The following RPS6KA1 variants were observed in gnomAD, a reference collection of about 807,000 sequenced individuals.
RPS6KA1 encodes the protein ribosomal protein S6 kinase A1, also known as ribosomal protein S6 kinase alpha-1.
Under a neutral mutation model 91.3 loss-of-function variants are expected in RPS6KA1, and 48 were observed. The observed-to-expected ratio is 0.53, with a 90% CI of 0.42 to 0.67. RPS6KA1 has a LOEUF of 0.67. Ranked by LOEUF, RPS6KA1 falls within the 30% of genes least tolerant of loss-of-function variation. The probability of loss-of-function intolerance (pLI) is 0.00; values close to 1 mark genes in which losing one functional copy is unlikely to be tolerated. For missense variants in RPS6KA1, 719 were observed against 960.5 expected (o/e 0.75, Z 3.32); for synonymous variants, 359 against 384.7 (o/e 0.93, Z 0.78).
intron 6 of RPS6KA1, chr1:26,552,815 T>G (rs2076064832): frequency 5.1e-6 from 2 of 388,504 alleles, no homozygotes; most frequent in African/African-American, 4.2e-5. Flanking sequence ...AATGTTTGAA[T>G]AGGTAATATA....
chr1:26,554,774 A>AC lies in RPS6KA1; in HGVS notation c.756+36_756+37insC, dbSNP rs1432949731. 1.3e-6 allele frequency: 2 copies of AC among 1,571,746 alleles called. No individual in the cohort carries two copies. The highest frequency in any genetic ancestry group is 2.7e-5 in the African/African-American group (2 of 73,850). On this transcript the variant is annotated intron_variant, in intron 9 of 21. Coordinates refer to ENST00000374168, the MANE Select transcript of RPS6KA1 (RefSeq NM_002953.4). This position sits in a 1 kb window ranked among gnomAD's most constrained non-coding sequence, Gnocchi z 4.6. Reference sequence around the variant, plus strand: ...AGACAGGGGTAAAGGATCCAGCCCAAGCCTCTGGCCTCAGTCTCCCTATCT... The same window carrying AC: ...AGACAGGGGTAAAGGATCCAGCCCAACGCCTCTGGCCTCAGTCTCCCTATCT...
intron 2 of RPS6KA1, chr1:26,545,765 G>A (rs1325447943): frequency 3.2e-6 from 4 of 1,257,140 alleles, no homozygotes; most frequent in Non-Finnish European, 4.2e-6. Context: ...GAAACCACAG[G>A]CCCTGAGTGA....
At chr1:26,560,894 G>T in intron 15 of RPS6KA1, 43 bp downstream of exon 15, 1 of 1,613,444 alleles carries the variant, frequency 6.2e-7, no homozygotes, top group Non-Finnish European at 8.5e-7. Context: ...GCTGGGTTGG[G>T]GGCAGGTCCC....
chr1:26,568,479 T>C (rs2076222945), intron 17 of RPS6KA1, among the ~76,000 whole-genome samples: 1 of 152,242 alleles, frequency 6.6e-6, no homozygotes, highest in African/African-American at 2.4e-5. Flanking sequence ...CCGGGCGTGG[T>C]GGCTCACGCC....
In RPS6KA1 at chr1:26,572,229, G is replaced by A. The variant is rs149093867; in HGVS notation, c.1883G>A (p.Arg628Gln). The change falls in exon 20 of 22, where the codon CGG becomes CAG. Residue 628 changes from arginine (R) to glutamine (Q), a missense_variant. This residue lies in a region of RPS6KA1 where 249 missense variants were observed against 323.1 expected (regional missense o/e 0.77). Coordinates refer to ENST00000374168, the MANE Select transcript of RPS6KA1 (RefSeq NM_002953.4). The part of the protein sequence containing the change: ...PSDTPEEILT[R>Q]IGSGKFTLSG... Reference sequence around the variant, plus strand: ...GACACACCAGAGGAAATCCTAACCCGGATCGGCAGTGGGAAGTTTACCCTC... The same window carrying A: ...GACACACCAGAGGAAATCCTAACCCAGATCGGCAGTGGGAAGTTTACCCTC... The A allele has an allele frequency of 1.4e-5, 23 of 1,613,972 alleles. No homozygotes were observed. The African/African-American group carries it at 2.1e-4, about 15-fold the overall frequency.
intron 1 of RPS6KA1, among the ~76,000 whole-genome samples, chr1:26,532,745 T>G (rs992335280): frequency 6.6e-6 from 1 of 152,184 alleles, no homozygotes; most frequent in African/African-American, 2.4e-5. Context: ...GGCCCCTCTT[T>G]CTAAGACAGA....
rs1301263103 is a variant in RPS6KA1 at position 26,573,482 on chromosome 1, GAGA to G, written c.2085+128_2085+130del. On this transcript the variant is annotated intron_variant, in intron 21 of 21. Coordinates refer to ENST00000374168, the MANE Select transcript of RPS6KA1 (RefSeq NM_002953.4). ...CCAAGCACCATGAGGTGGAACATAG[GAGA>G]AGAAGACACAGCCCTGCCGTCAGGG... is the stretch of plus-strand genomic sequence containing the variant. The G allele has an allele frequency of 8.4e-6, 10 of 1,183,558 alleles. No homozygotes were observed. The Admixed American group carries it at 1.2e-4, about 14-fold the overall frequency. 73.3% of individuals were successfully genotyped at this position (1,183,558 alleles called of 1,614,324 possible). A position where few individuals can be genotyped will look rare whatever the true frequency, so the allele number is the denominator to read the frequency against.
Position 26,572,303 on chromosome 1 carries a change from T to C in RPS6KA1, c.1947+10T>C. ...TTCAGAGACAGCCAAGGTGAGTCTG[T>C]ACGGCCTGCGTGGGCTTATTTGGAG... is the stretch of plus-strand genomic sequence containing the variant. On this transcript the variant is annotated intron_variant, in intron 20 of 21. Transcript: ENST00000374168. The C allele has an allele frequency of 6.3e-7, 1 of 1,591,316 alleles. No individual in the cohort carries two copies. Among genetic ancestry groups the C allele is most frequent in the Non-Finnish European group, 8.6e-7 (1 of 1,159,290 alleles).
At chr1:26,549,535 C>T (rs1001678718) in intron 4 of RPS6KA1, among the ~76,000 whole-genome samples, 2 of 151,658 alleles carry the variant, frequency 1.3e-5, no homozygotes, top group Non-Finnish European at 2.9e-5. Flanking sequence ...CACCACTGCA[C>T]TCCAGCTTGG....
Position 26,571,961 on chromosome 1 carries a change from G to A in RPS6KA1, c.1829+36G>A. On this transcript the variant is annotated intron_variant, in intron 19 of 21. Transcript: ENST00000374168. The surrounding 1 kb of genome is among the most constrained non-coding windows in gnomAD (Gnocchi z 5.1). ...CTGGCCTGGACCCTTCCCCACTCCT[G>A]CAGCCCTAGCACTTGGGCTGAGTGG... 1 of 1,588,106 alleles carries A rather than the reference G, an allele frequency of 6.3e-7. No homozygotes were observed. Among genetic ancestry groups the A allele is most frequent in the Non-Finnish European group, 8.6e-7 (1 of 1,161,264 alleles).
intron 4 of RPS6KA1, among the ~76,000 whole-genome samples, chr1:26,548,817 A>G (rs1166753200): frequency 3.3e-5 from 5 of 151,988 alleles, no homozygotes; most frequent in Non-Finnish European, 4.4e-5. Flanking sequence ...AAAAAAAAGA[A>G]AAAAGAAAAT....
intron 4 of RPS6KA1, among the ~76,000 whole-genome samples, chr1:26,549,263 C>A (rs530473220): frequency 6.6e-6 from 1 of 151,976 alleles, no homozygotes; most frequent in African/African-American, 2.4e-5. Flanking sequence ...CCCTAGCCTT[C>A]CACCTCTCCT....
chr1:26,538,836 A>G (rs1488330825), intron 2 of RPS6KA1, among the ~76,000 whole-genome samples: 1 of 152,186 alleles, frequency 6.6e-6, no homozygotes, highest in Non-Finnish European at 1.5e-5. Flanking sequence ...CTGTTGTCCC[A>G]GCCACCAGTG....
chr1:26,547,090 G>A lies in RPS6KA1; in HGVS notation c.226-99G>A. ...ATCAGAGGTCACCTTGGTACCCAGG[G>A]AGAGCAAAAAGGTCAGCTTGGGGCT... On this transcript the variant is annotated intron_variant, in intron 3 of 21. Coordinates refer to ENST00000374168, the MANE Select transcript of RPS6KA1 (RefSeq NM_002953.4). This position sits in a 1 kb window ranked among gnomAD's most constrained non-coding sequence, Gnocchi z 4.1. The A allele has an allele frequency of 6.5e-7, 1 of 1,535,422 alleles. No homozygotes were observed. The highest frequency in any genetic ancestry group is 9.0e-7 in the Non-Finnish European group (1 of 1,109,846).
intron 1 of RPS6KA1, among the ~76,000 whole-genome samples, chr1:26,534,383 G>A (rs1357294761): frequency 6.6e-6 from 1 of 152,146 alleles, no homozygotes; most frequent in Non-Finnish European, 1.5e-5. Context: ...TTAGGTTATG[G>A]GGGTAGAGAG....
chr1:26,558,712 C>A lies in RPS6KA1; in HGVS notation c.1085-95C>A. On this transcript the variant is annotated intron_variant, in intron 13 of 21. Coordinates refer to ENST00000374168, the MANE Select transcript of RPS6KA1 (RefSeq NM_002953.4). This position sits in a 1 kb window ranked among gnomAD's most constrained non-coding sequence, Gnocchi z 4.0. Reference sequence around the variant, plus strand: ...CTCCCGCCACGGCCAGCCCCTGAGGCAGGTCTGGAGGCCCTGTGCTCCCCC... The same window carrying A: ...CTCCCGCCACGGCCAGCCCCTGAGGAAGGTCTGGAGGCCCTGTGCTCCCCC... The A allele has an allele frequency of 7.0e-7, 1 of 1,434,462 alleles. No individual in the cohort carries two copies. The highest frequency in any genetic ancestry group is 9.5e-7 in the Non-Finnish European group (1 of 1,054,698). 88.9% of individuals were successfully genotyped at this position (1,434,462 alleles called of 1,614,324 possible).
At chr1:26,542,007 G>A (rs1252780191) in intron 2 of RPS6KA1, among the ~76,000 whole-genome samples, 1 of 152,156 alleles carries the variant, frequency 6.6e-6, no homozygotes, top group East Asian at 1.9e-4. Flanking sequence ...TCCTCCCCCC[G>A]CCCGCCACCA....
intron 1 of RPS6KA1, among the ~76,000 whole-genome samples, chr1:26,535,823 G>A (rs1032255945): frequency 2.0e-5 from 3 of 152,044 alleles, no homozygotes; most frequent in African/African-American, 4.8e-5. Flanking sequence ...CATGGGGCCA[G>A]GGCCTACCTC....
intron 2 of RPS6KA1, chr1:26,545,839 ACCACTG>A (rs2075989605): frequency 6.7e-7 from 1 of 1,482,430 alleles, no homozygotes; most frequent in African/African-American, 1.4e-5. Flanking sequence ...GGTCCCGGCC[ACCACTG>A]CGGCAGCCCC....
Sources: allele counts gnomAD v4.1 joint callset (sites outside exome capture counted in the v4.1 genomes callset), GRCh38; gene constraint gnomAD v4.1.1; regional missense constraint gnomAD v4.1.1; non-coding constraint Gnocchi (gnomAD v3.1); transcripts MANE v1.5; gene names NCBI Gene and HGNC (gene_info 2026-07-23, HGNC 2026-07-21).